RBFOX1: variants seen among roughly 807,000 people sequenced by gnomAD.
RBFOX1 encodes the protein RNA binding fox-1 homolog 1.
In RBFOX1, 8 loss-of-function variants were observed where a neutral mutation model predicts 57.7. The ratio of observed to expected loss-of-function variants is 0.14; its 90% confidence interval spans 0.08 to 0.25. The LOEUF (loss-of-function observed/expected upper bound fraction) is 0.25. Among genes scored for constraint, RBFOX1 ranks in the 10% least tolerant of loss-of-function variants. RBFOX1 has a pLI of 1.00. For missense variants in RBFOX1, 611 were observed against 548.5 expected, an observed-to-expected ratio of 1.11 and a Z score of -1.14; for synonymous variants, 326 against 222.4, an observed-to-expected ratio of 1.47 and a Z score of -4.15.
At chr16:5,566,025 C>G (rs1403150395) in intron 2 of RBFOX1, among the ~76,000 whole-genome samples, 1 of 152,164 alleles carries the variant, frequency 6.6e-6, no homozygotes, top group East Asian at 1.9e-4. Flanking sequence ...AAACCCCTTT[C>G]TCTTGGCTTT....
intron 4 of RBFOX1, among the ~76,000 whole-genome samples, chr16:7,155,379 A>T (rs1009098062): frequency 6.6e-6 from 1 of 151,984 alleles, no homozygotes; most frequent in Non-Finnish European, 1.5e-5. Flanking sequence ...CACTTAAGCC[A>T]GGAGTTCAAA....
intron 3 of RBFOX1, among the ~76,000 whole-genome samples, chr16:5,766,744 TG>T (rs1279703905): frequency 1.3e-5 from 2 of 152,122 alleles, no homozygotes; most frequent in African/African-American, 4.8e-5. Context: ...ACATGAGATT[TG>T]GGTGGGGACA....
chr16:7,139,465 G>A (rs910924676), intron 4 of RBFOX1, among the ~76,000 whole-genome samples: 3 of 152,144 alleles, frequency 2.0e-5, no homozygotes, highest in Non-Finnish European at 4.4e-5. Flanking sequence ...AGTGATGGAA[G>A]AGAGGAGGAA....
At chr16:7,290,566 A>G (rs1488281685) in intron 4 of RBFOX1, among the ~76,000 whole-genome samples, 2 of 152,270 alleles carry the variant, frequency 1.3e-5, no homozygotes, top group African/African-American at 2.4e-5. Context: ...AATGAATCTC[A>G]GAAACATGAA....
chr16:6,979,827 A>G (rs1279704695), intron 3 of RBFOX1, among the ~76,000 whole-genome samples: 2 of 152,124 alleles, frequency 1.3e-5, no homozygotes, highest in Admixed American at 1.3e-4. Context: ...TGCCAGATGC[A>G]CTCAGGCTGG....
intron 4 of RBFOX1, among the ~76,000 whole-genome samples, chr16:5,890,415 A>T (rs1245598365): frequency 6.6e-6 from 1 of 152,078 alleles, no homozygotes; most frequent in Non-Finnish European, 1.5e-5. Context: ...CTAAGAAGTG[A>T]AGGCTGGGCG....
At chr16:7,436,837 G>A (rs935745907) in intron 4 of RBFOX1, among the ~76,000 whole-genome samples, 2 of 152,110 alleles carry the variant, frequency 1.3e-5, no homozygotes, top group East Asian at 1.9e-4. Flanking sequence ...CAAGGCAGGC[G>A]GATCATCCTA....
intron 4 of RBFOX1, among the ~76,000 whole-genome samples, chr16:7,062,625 A>T (rs774514538): frequency 6.6e-6 from 1 of 152,160 alleles, no homozygotes; most frequent in Admixed American, 6.6e-5. Context: ...TAGCCAACAG[A>T]TGTGGATATG....
chr16:6,223,532 A>G (rs1232220818), intron 1 of RBFOX1, among the ~76,000 whole-genome samples: 1 of 152,042 alleles, frequency 6.6e-6, no homozygotes, highest in Non-Finnish European at 1.5e-5. Context: ...TCCTTTGCCC[A>G]GTTTTTGTTG....
Position 6,047,923 on chromosome 16 carries a change from T to C in RBFOX1, c.-127+27931T>C, listed in dbSNP as rs565334477. On this transcript the variant is annotated intron_variant, in intron 1 of 15. Transcript: ENST00000550418. ...AGACCGTAAAGCTTGGACTCTAGGA[T>C]TGGAACTCAGGCAGTGACATGTCTG... Among the ~76,000 whole-genome samples the C allele has an allele frequency of 1.2e-4, 19 of 152,268 alleles. 1 individual carries two copies. Among genetic ancestry groups the C allele is most frequent in the Admixed American group, 1.1e-3 (17 of 15,294 alleles).
At position 7,088,807 on chromosome 16, in the gene RBFOX1, C is replaced by T. The variant is rs969060304; in HGVS notation, c.27+36709C>T. ...TTTAGAGCAGGTGTTCCCTGCTTTG[C>T]CAAGGGAGGGAGGCGTTTTCGAGGT... is the stretch of plus-strand genomic sequence containing the variant. On this transcript the variant is annotated intron_variant, in intron 4 of 15. Transcript: ENST00000550418. Among the ~76,000 whole-genome samples the T allele has an allele frequency of 7.9e-5, 12 of 152,100 alleles. No homozygotes were observed. The South Asian group carries it at 8.3e-4, about 11-fold the overall frequency.
intron 4 of RBFOX1, among the ~76,000 whole-genome samples, chr16:5,879,502 G>C (rs187621965): frequency 1.1e-3 from 174 of 152,246 alleles, no homozygotes; most frequent in African/African-American, 4.0e-3. Flanking sequence ...GCTAATTTTT[G>C]TATTTTTCGT....
At chr16:7,579,055 A>C (rs1222916059) in intron 5 of RBFOX1, among the ~76,000 whole-genome samples, 1 of 152,238 alleles carries the variant, frequency 6.6e-6, no homozygotes, top group African/African-American at 2.4e-5. Flanking sequence ...TTCAGTATGG[A>C]AGCAATAACT....
intron 1 of RBFOX1, among the ~76,000 whole-genome samples, chr16:5,318,198 G>C (rs765554841): frequency 7.9e-5 from 12 of 151,912 alleles, no homozygotes; most frequent in Non-Finnish European, 1.6e-4. Context: ...ACACGATCTC[G>C]GCTCACTGCA....
intron 2 of RBFOX1, among the ~76,000 whole-genome samples, chr16:5,597,423 G>A (rs5015132): frequency 0.19 from 25,437 of 136,286 alleles, 2,180 homozygotes; most frequent in African/African-American, 0.2. Context: ...TTTGAGTTGG[G>A]GTTTTGATCT....
chr16:5,364,923 G>A (rs2065668558), intron 1 of RBFOX1, among the ~76,000 whole-genome samples: 1 of 152,142 alleles, frequency 6.6e-6, no homozygotes, highest in Admixed American at 6.5e-5. Flanking sequence ...CTGGACAGTA[G>A]GGTCGCCTAA....
chr16:5,518,764 C>T lies in RBFOX1; in HGVS notation c.258+51510C>T, dbSNP rs184177315. ...GTCCCTGTCCTGCATGAGGCACAAA[C>T]GTATTATAAGGAACACAGAAACAGA... On this transcript the variant is annotated intron_variant, in intron 2 of 2. Transcript: ENST00000585867. Among the ~76,000 whole-genome samples the T allele has an allele frequency of 1.2e-3, 178 of 152,176 alleles. 2 individuals are homozygous for T. In the East Asian group the frequency reaches 0.031, roughly 26 times the overall value.
intron 4 of RBFOX1, among the ~76,000 whole-genome samples, chr16:7,209,132 C>G (rs1391155876): frequency 1.5e-5 from 2 of 137,520 alleles, no homozygotes; most frequent in Non-Finnish European, 3.1e-5. Flanking sequence ...CTGTCTCTAC[C>G]AAAAATACAA....
chr16:6,374,672 C>T (rs920148949), intron 2 of RBFOX1, among the ~76,000 whole-genome samples: 3 of 152,128 alleles, frequency 2.0e-5, no homozygotes, highest in Admixed American at 6.5e-5. Context: ...TTGTGCAAGG[C>T]GACCAAGTAA....
Sources: allele counts gnomAD v4.1 joint callset (sites outside exome capture counted in the v4.1 genomes callset), GRCh38; gene constraint gnomAD v4.1.1; transcripts MANE v1.5; gene names NCBI Gene and HGNC (gene_info 2026-07-23, HGNC 2026-07-21).